The following FAAH variants were observed in gnomAD, a reference collection of about 807,000 sequenced individuals.
The protein encoded by FAAH is fatty acid amide hydrolase.
Under a neutral mutation model 69.7 loss-of-function variants are expected in FAAH, and 63 were observed. The observed-to-expected ratio is 0.90, with a 90% CI of 0.74 to 1.12. FAAH has a LOEUF of 1.12. Ranked by LOEUF, FAAH falls within the 50% of genes most tolerant of loss-of-function variation. The pLI, the probability that FAAH is intolerant of heterozygous loss-of-function variation, is 0.00. For synonymous variants in FAAH, 305 were observed against 324.2 expected (o/e 0.94, Z 0.64); for missense variants, 680 against 755.0 (o/e 0.90, Z 1.16).
Position 46,410,869 on chromosome 1 carries a change from G to C in FAAH, c.1316+15G>C, listed in dbSNP as rs1208964964. The C allele has an allele frequency of 6.2e-7, 1 of 1,614,188 alleles. No individual in the cohort carries two copies. Among genetic ancestry groups the C allele is most frequent in the Admixed American group, 1.7e-5 (1 of 60,020 alleles). Reference sequence around the variant, plus strand: ...ATGAAGTCTCGGTAAGGGTTCTTCTGTGTCTAGCTGCCGGCCCCTGCCTGT... The same window carrying C: ...ATGAAGTCTCGGTAAGGGTTCTTCTCTGTCTAGCTGCCGGCCCCTGCCTGT... On this transcript the variant is annotated intron_variant, in intron 11 of 14. Coordinates refer to ENST00000243167, the MANE Select transcript of FAAH (RefSeq NM_001441.3). This position sits in a 1 kb window ranked among gnomAD's most constrained non-coding sequence, Gnocchi z 4.9.
rs374545524 is a variant in FAAH at position 46,411,687 on chromosome 1, G to A, written c.1356+36G>A. On this transcript the variant is annotated intron_variant, in intron 12 of 14. Transcript: ENST00000243167. This position sits in a 1 kb window ranked among gnomAD's most constrained non-coding sequence, Gnocchi z 4.8. The stretch of plus-strand genomic sequence containing the variant: ...AGCCTCTGGATTGGAGCAGGGTGGT[G>A]GGGGGAGGGTGGAGTTGGACAGGGT... 27 of 1,611,200 alleles carry A rather than the reference G, an allele frequency of 1.7e-5. No homozygotes were observed. The highest frequency in any genetic ancestry group is 2.1e-5 in the Non-Finnish European group (25 of 1,177,996).
Position 46,394,479 on chromosome 1 carries a change from C to T in FAAH, c.131C>T (p.Ala44Val). The change falls in exon 1 of 15, where the codon GCG becomes GTG. Residue 44 changes from alanine (A) to valine (V), a missense_variant. Physicochemically the swap from Ala to Val is moderately conservative, Grantham distance 64. Transcript: ENST00000243167. ...ACGGCGCGGGGCGCGGTGGTCCGGG[C>T]GCGACAGAGGCAGCGAGCGGGCCTG... ...RRTARGAVVR[A>V]RQRQRAGLEN... The T allele has an allele frequency of 7.2e-7, 1 of 1,391,386 alleles. No homozygotes were observed. 86.2% of individuals were successfully genotyped at this position (1,391,386 alleles called of 1,614,324 possible).
At position 46,405,286 on chromosome 1, in the gene FAAH, T is replaced by C; in HGVS notation, c.445-86T>C. 4 of 1,606,642 alleles carry C rather than the reference T, an allele frequency of 2.5e-6. No homozygotes were observed. The highest frequency in any genetic ancestry group is 3.4e-6 in the Non-Finnish European group (4 of 1,179,470). The stretch of plus-strand genomic sequence containing the variant: ...CGAGGGGACACTGGTATACCTGTTT[T>C]GGCCTGTGTGACAGTTGTTGGAGTG... On this transcript the variant is annotated intron_variant, in intron 3 of 14. Coordinates refer to ENST00000243167, the MANE Select transcript of FAAH (RefSeq NM_001441.3). This position sits in a 1 kb window ranked among gnomAD's most constrained non-coding sequence, Gnocchi z 4.1.
Position 46,413,710 on chromosome 1 carries a change from T to G in FAAH, c.*135T>G, listed in dbSNP as rs1664959177. 3.8e-6 allele frequency: 5 copies of G among 1,322,826 alleles called. No individual in the cohort carries two copies. Among genetic ancestry groups the G allele is most frequent in the Non-Finnish European group, 5.3e-6 (5 of 946,796 alleles). The allele number at this position is 1,322,826 out of a possible 1,614,324, so 81.9% of individuals were successfully genotyped here. On this transcript the variant is annotated 3_prime_UTR_variant, in exon 15 of 15. Transcript: ENST00000243167. The stretch of plus-strand genomic sequence containing the variant: ...TTCCGTGTCCTCTCCCCCAACCCCC[T>G]GCAAGAAGCGCCGACTCCCTGAGTC...
rs918037537 is a variant in FAAH at position 46,411,376 on chromosome 1, C to A, written c.1317-236C>A. Among the ~76,000 whole-genome samples the A allele has an allele frequency of 6.6e-6, 1 of 152,200 alleles. No homozygotes were observed. Among genetic ancestry groups the A allele is most frequent in the Non-Finnish European group, 1.5e-5 (1 of 68,038 alleles). Reference sequence around the variant, plus strand: ...CCGTGTCCTGAGGGTAGCGAGGAATCGGGCCTGGGCTAGTCCTGGCTCTGC... The same window carrying A: ...CCGTGTCCTGAGGGTAGCGAGGAATAGGGCCTGGGCTAGTCCTGGCTCTGC... On this transcript the variant is annotated intron_variant, in intron 11 of 14. Coordinates refer to ENST00000243167, the MANE Select transcript of FAAH (RefSeq NM_001441.3). This position sits in a 1 kb window ranked among gnomAD's most constrained non-coding sequence, Gnocchi z 4.8.
chr1:46,408,358 C>A, intron 7 of FAAH, 101 bp from the exon 8 acceptor site: 1 of 1,540,820 alleles, frequency 6.5e-7, no homozygotes, highest in Non-Finnish European at 8.9e-7. Context: ...ACTGCAGCCT[C>A]GCAGCTGTGT....
At chr1:46,409,304 C>T in intron 9 of FAAH, 106 bp downstream of exon 9, 1 of 887,118 alleles carries the variant, frequency 1.1e-6, no homozygotes, top group Non-Finnish European at 1.9e-6. Flanking sequence ...CTGAATCCAA[C>T]AAAGGCCTGA....
chr1:46,405,355 C>T lies in FAAH; in HGVS notation c.445-17C>T, dbSNP rs748290986. ...GGCCCTGACTCACTCCCTTCTGGTG[C>T]CCATCCCTCCTCCCAGGGCCAGGAC... is the stretch of plus-strand genomic sequence containing the variant. On this transcript the variant is annotated splice_polypyrimidine_tract_variant and intron_variant, in intron 3 of 14. Transcript: ENST00000243167. The surrounding 1 kb of genome is among the most constrained non-coding windows in gnomAD (Gnocchi z 4.1). 3.1e-6 allele frequency: 5 copies of T among 1,608,222 alleles called. No individual in the cohort carries two copies. In the East Asian group the frequency reaches 6.7e-5, roughly 21 times the overall value.
At chr1:46,408,606 A>C in intron 8 of FAAH, 22 bp downstream of exon 8, 5 of 1,614,116 alleles carry the variant, frequency 3.1e-6, no homozygotes, top group Non-Finnish European at 4.2e-6. Context: ...GGGTCCTGGA[A>C]GTACTGGCAT....
intron 1 of FAAH, among the ~76,000 whole-genome samples, chr1:46,394,825 T>C (rs756118174): frequency 6.6e-6 from 1 of 152,214 alleles, no homozygotes; most frequent in Admixed American, 6.5e-5. Flanking sequence ...TTGCTGCCTA[T>C]TGGAATGCGA....
At chr1:46,396,135 G>C (rs939486878) in intron 1 of FAAH, among the ~76,000 whole-genome samples, 1 of 152,082 alleles carries the variant, frequency 6.6e-6, no homozygotes, top group African/African-American at 2.4e-5. Flanking sequence ...TGTGAGCAAA[G>C]GACTCTGTGT....
At chr1:46,397,642 A>G (rs1261181607) in intron 1 of FAAH, among the ~76,000 whole-genome samples, 2 of 151,978 alleles carry the variant, frequency 1.3e-5, no homozygotes, top group Admixed American at 6.6e-5. Flanking sequence ...GCTTACTGCA[A>G]CCTCTGCCTC....
rs750175048 is a variant in FAAH, at chr1:46,405,197, C to T, written c.444+49C>T. 6.2e-7 allele frequency: 1 copy of T among 1,613,340 alleles called. No individual in the cohort carries two copies. Among genetic ancestry groups the T allele is most frequent in the East Asian group, 2.2e-5 (1 of 44,870 alleles). On this transcript the variant is annotated intron_variant, in intron 3 of 14. Coordinates refer to ENST00000243167, the MANE Select transcript of FAAH (RefSeq NM_001441.3). This position sits in a 1 kb window ranked among gnomAD's most constrained non-coding sequence, Gnocchi z 4.1. The stretch of plus-strand genomic sequence containing the variant: ...CCTCCATCGTCCCCTCCATCCCTGC[C>T]AGCCTGCTCTGCATCTTGGGTCATT...
chr1:46,405,864 G>A lies in FAAH; in HGVS notation c.785+70G>A. 6.2e-7 allele frequency: 1 copy of A among 1,606,214 alleles called. No individual in the cohort carries two copies. Among genetic ancestry groups the A allele is most frequent in the South Asian group, 1.1e-5 (1 of 90,520 alleles). On this transcript the variant is annotated intron_variant, in intron 5 of 14. Transcript: ENST00000243167. The surrounding 1 kb of genome is among the most constrained non-coding windows in gnomAD (Gnocchi z 4.1). Reference sequence around the variant, plus strand: ...TTGGCCTAGCTTCCAACCTCTCTGGGCTCCAGGCGGGGATTCGGTCTCCGG... The same window carrying A: ...TTGGCCTAGCTTCCAACCTCTCTGGACTCCAGGCGGGGATTCGGTCTCCGG...
In FAAH at chr1:46,410,467, A is replaced by G; in HGVS notation, c.1245A>G (p.Lys415=). 1 of 1,614,060 alleles carries G rather than the reference A, an allele frequency of 6.2e-7. No individual in the cohort carries two copies. Among genetic ancestry groups the G allele is most frequent in the Non-Finnish European group, 8.5e-7 (1 of 1,179,960 alleles). Residue 415 remains lysine, a synonymous_variant, in exon 10 of 15, where the codon AAA becomes AAG. Transcript: ENST00000243167. The surrounding 1 kb of genome is among the most constrained non-coding windows in gnomAD (Gnocchi z 4.9). The part of the protein sequence containing the change: ...VSILKLPQWL[K]GLLAFLVKPL... ...TTCTGAAGCTTCCCCAATGGCTTAA[A>G]GGACTGCTGGCCTTCCTGGTGAAGC...
At chr1:46,395,667 G>A (rs570896718) in intron 1 of FAAH, among the ~76,000 whole-genome samples, 1 of 152,228 alleles carries the variant, frequency 6.6e-6, no homozygotes, top group Non-Finnish European at 1.5e-5. Flanking sequence ...AGGAGGGTGT[G>A]CCTGGGTGGG....
At chr1:46,403,138 CT>C (rs897010462) in intron 2 of FAAH, among the ~76,000 whole-genome samples, 110 of 146,462 alleles carry the variant, frequency 7.5e-4, no homozygotes, top group African/African-American at 2.6e-3. Context: ...CCGACCCCGT[CT>C]TTTTTTTTGA....
At position 46,404,994 on chromosome 1, in the gene FAAH, G is replaced by A. The variant is rs746757127; in HGVS notation, c.310-20G>A. 6.2e-7 allele frequency: 1 copy of A among 1,613,934 alleles called. No homozygotes were observed. On this transcript the variant is annotated intron_variant, in intron 2 of 14. Coordinates refer to ENST00000243167, the MANE Select transcript of FAAH (RefSeq NM_001441.3). The surrounding 1 kb of genome is among the most constrained non-coding windows in gnomAD (Gnocchi z 4.5). ...AAAGGCCAGCCTCCTTTTATCTTAT[G>A]TCTACTTCCCCTTCCTCAGGCCTGG... is the stretch of plus-strand genomic sequence containing the variant.
intron 1 of FAAH, 22 bp from the exon 2 acceptor site, chr1:46,402,069 G>A: frequency 6.3e-7 from 1 of 1,580,398 alleles, no homozygotes; most frequent in African/African-American, 1.3e-5. Flanking sequence ...GTAGGGGACT[G>A]ATCCGAGTTT....
Sources: gnomAD v4.1 joint callset for allele counts (sites outside exome capture counted in the v4.1 genomes callset) on GRCh38, gnomAD v4.1.1 for gene constraint, Gnocchi (gnomAD v3.1) non-coding constraint, MANE v1.5 for transcripts, NCBI Gene and HGNC (gene_info 2026-07-23, HGNC 2026-07-21) for gene names.